EXD3: variants seen among roughly 807,000 people sequenced by gnomAD.
EXD3 encodes the protein exonuclease mut-7 homolog.
A neutral mutation model predicts 98.0 loss-of-function variants in EXD3; 92 were observed. The observed-to-expected ratio is 0.94, with a 90% CI of 0.79 to 1.12. The LOEUF is 1.12. EXD3 is among the 50% of genes most tolerant of loss of function. The pLI is 0.00. For missense variants in EXD3, 1,222 were observed against 1,191.6 expected, an observed-to-expected ratio of 1.03 and a Z score of -0.38; for synonymous variants, 569 against 526.0, an observed-to-expected ratio of 1.08 and a Z score of -1.12.
chr9:137,378,356 A>C (rs922932945), intron 3 of EXD3, among the ~76,000 whole-genome samples: 1 of 152,086 alleles, frequency 6.6e-6, no homozygotes, highest in African/African-American at 2.4e-5. Context: ...CTACAGGTGC[A>C]TGCCACCACG....
At chr9:137,419,087 G>A (rs1157477884) in intron 1 of EXD3, among the ~76,000 whole-genome samples, 3 of 151,970 alleles carry the variant, frequency 2.0e-5, no homozygotes, top group Admixed American at 6.6e-5. Context: ...GGAGATGTAC[G>A]AGGCTTATGT....
Position 137,395,193 on chromosome 9 carries a change from G to T in EXD3, c.55+110C>A. The T allele has an allele frequency of 9.8e-7, 1 of 1,016,440 alleles. No homozygotes were observed. The highest frequency in any genetic ancestry group is 1.5e-6 in the Non-Finnish European group (1 of 647,678). The allele number at this position is 1,016,440 out of a possible 1,614,324, so 63.0% of individuals were successfully genotyped here. On this transcript the variant is annotated intron_variant, in intron 2 of 21. Coordinates refer to ENST00000340951, the MANE Select transcript of EXD3 (RefSeq NM_017820.5). The surrounding 1 kb of genome is among the most constrained non-coding windows in gnomAD (Gnocchi z 6.5). ...AGAGGCCCGCAGCTAGGGGCCAGCAGCCTGGCCCTCGTCACTGAGTACACA... is the reference window on the plus strand; with the variant it reads ...AGAGGCCCGCAGCTAGGGGCCAGCATCCTGGCCCTCGTCACTGAGTACACA...
chr9:137,351,126 A>G lies in EXD3; in HGVS notation c.1406T>C (p.Leu469Pro). The G allele has an allele frequency of 6.3e-7, 1 of 1,580,814 alleles. No homozygotes were observed. The highest frequency in any genetic ancestry group is 8.6e-7 in the Non-Finnish European group (1 of 1,164,258). ...GGGGCAGGACGTGCCCAGTTTTTGC[A>G]GGTCCCCCACCATCCCGTAGCCTGT... is the stretch of plus-strand genomic sequence containing the variant. ...TKLGYGMVGD[L>P]QKLGTSCPAL... is the part of the protein sequence containing the mutation. Residue 469 changes from leucine (L) to proline (P), a missense_variant, in exon 14 of 22, where the codon CTG becomes CCG. Leu to Pro is a moderately conservative substitution (Grantham distance 98, BLOSUM62 -3). Coordinates refer to ENST00000340951, the MANE Select transcript of EXD3 (RefSeq NM_017820.5).
intron 1 of EXD3, among the ~76,000 whole-genome samples, chr9:137,411,618 G>T (rs917790492): frequency 6.6e-6 from 1 of 151,392 alleles, no homozygotes; most frequent in Admixed American, 6.6e-5. Context: ...GGCCAGCGGC[G>T]GCCGTCAGTC....
At chr9:137,326,585 G>A (rs572337661) in intron 17 of EXD3, among the ~76,000 whole-genome samples, 7 of 152,120 alleles carry the variant, frequency 4.6e-5, no homozygotes, top group South Asian at 2.1e-4. Flanking sequence ...AGATATACGC[G>A]TGGCCAATAA....
At position 137,324,246 on chromosome 9, in the gene EXD3, C is replaced by T. The variant is rs1385138514; in HGVS notation, c.1999-103G>A. ...CTAGCTCCCCGGATCGTGGCCCTGC[C>T]CCAGGCCCCTTTTGTCCTCCAGGGT... On this transcript the variant is annotated intron_variant, in intron 17 of 21. Coordinates refer to ENST00000340951, the MANE Select transcript of EXD3 (RefSeq NM_017820.5). The surrounding 1 kb of genome is among the most constrained non-coding windows in gnomAD (Gnocchi z 4.1). 3.6e-5 allele frequency: 36 copies of T among 1,009,962 alleles called. No homozygotes were observed. The highest frequency in any genetic ancestry group is 5.2e-5 in the Non-Finnish European group (35 of 674,878). The allele number at this position is 1,009,962 out of a possible 1,614,324, so 62.6% of individuals were successfully genotyped here.
chr9:137,374,923 T>C, intron 3 of EXD3: 1 of 916,100 alleles, frequency 1.1e-6, no homozygotes, highest in Middle Eastern at 5.6e-4. Flanking sequence ...TAGTGAGTTC[T>C]AACTCTAGTG....
chr9:137,332,653 CTA>C (rs1833139384), intron 17 of EXD3, among the ~76,000 whole-genome samples: 1 of 151,824 alleles, frequency 6.6e-6, no homozygotes, highest in East Asian at 1.9e-4. Flanking sequence ...ACCATCCTGG[CTA>C]AAACAGTGAA....
In EXD3 at chr9:137,367,919, A is replaced by G. The variant is rs201697343; in HGVS notation, c.516+17T>C. 1.1e-5 allele frequency: 18 copies of G among 1,611,298 alleles called. No homozygotes were observed. The Middle Eastern group carries it at 5.0e-4, about 44-fold the overall frequency. ...CCAAGTTTGAACCTAAACAATTTACATGAGAAAGACGTTCACCTTTTCAAC... is the reference window on the plus strand; with the variant it reads ...CCAAGTTTGAACCTAAACAATTTACGTGAGAAAGACGTTCACCTTTTCAAC... On this transcript the variant is annotated intron_variant, in intron 6 of 21. Transcript: ENST00000340951.
Position 137,395,443 on chromosome 9 carries a change from G to A in EXD3, c.-47-39C>T. The A allele has an allele frequency of 6.3e-7, 1 of 1,588,068 alleles. No individual in the cohort carries two copies. The highest frequency in any genetic ancestry group is 8.6e-7 in the Non-Finnish European group (1 of 1,161,010). ...CAATCAGGTGAATGCAGAGCCCACT[G>A]CAACAGGCAGCCATGCAGAGCCCAC... On this transcript the variant is annotated intron_variant, in intron 1 of 21. Coordinates refer to ENST00000340951, the MANE Select transcript of EXD3 (RefSeq NM_017820.5). This position sits in a 1 kb window ranked among gnomAD's most constrained non-coding sequence, Gnocchi z 6.5.
chr9:137,309,313 G>C (rs753884547), intron 20 of EXD3, among the ~76,000 whole-genome samples: 1 of 152,158 alleles, frequency 6.6e-6, no homozygotes, highest in Admixed American at 6.5e-5. Context: ...CCTGGGCCCA[G>C]CAGAGAGAAG....
At chr9:137,328,593 TACACGGGACTACAC>T (rs1832645719) in intron 17 of EXD3, among the ~76,000 whole-genome samples, 3 of 52,002 alleles carry the variant, frequency 5.8e-5, no homozygotes, top group African/African-American at 1.1e-4. Context: ...TACACGGGAC[TACACGGGACTACAC>T]GGGGCTACAC....
intron 19 of EXD3, among the ~76,000 whole-genome samples, chr9:137,314,705 A>G (rs1831549468): frequency 2.0e-5 from 3 of 152,072 alleles, no homozygotes; most frequent in East Asian, 3.9e-4. Context: ...GGCCAGGACA[A>G]TGTCTCCACA....
rs112238522 is a variant in EXD3, at chr9:137,343,878, G to A, written c.1998+4193C>T. ...GCTGGGATTACAGGTATGAGCCACCGCGCCCGGCCTTTTTTTTTTTTTTTT... is the reference window on the plus strand; with the variant it reads ...GCTGGGATTACAGGTATGAGCCACCACGCCCGGCCTTTTTTTTTTTTTTTT... On this transcript the variant is annotated intron_variant, in intron 17 of 21. Transcript: ENST00000340951. 2.6e-3 allele frequency among the ~76,000 whole-genome samples: 332 copies of A among 129,442 alleles called. 2 individuals carry two copies. The highest frequency in any genetic ancestry group is 9.2e-3 in the African/African-American group (314 of 33,988). The allele number at this position is 129,442 out of a possible 152,430, so 84.9% of individuals were successfully genotyped here.
intron 19 of EXD3, among the ~76,000 whole-genome samples, chr9:137,319,667 C>G (rs539206372): frequency 6.6e-6 from 1 of 152,206 alleles, no homozygotes; most frequent in African/African-American, 2.4e-5. Context: ...CGGGTGCGCA[C>G]ATGGGACCCT....
At position 137,403,089 on chromosome 9, in the gene EXD3, C is replaced by T. The variant is rs981704052; in HGVS notation, c.-47-7685G>A. 6.6e-6 allele frequency among the ~76,000 whole-genome samples: 1 copy of T among 152,112 alleles called. No individual in the cohort carries two copies. Among genetic ancestry groups the T allele is most frequent in the Non-Finnish European group, 1.5e-5 (1 of 68,036 alleles). On this transcript the variant is annotated intron_variant, in intron 1 of 21. Coordinates refer to ENST00000340951, the MANE Select transcript of EXD3 (RefSeq NM_017820.5). The surrounding 1 kb of genome is among the most constrained non-coding windows in gnomAD (Gnocchi z 6.1). ...GAGGACACAGCCAAAGCATATCACC[C>T]GCCACGGGAGACCCTGTGGCTCGGC...
intron 10 of EXD3, chr9:137,352,988 T>A: frequency 7.2e-7 from 1 of 1,395,126 alleles, no homozygotes; most frequent in Non-Finnish European, 9.3e-7. Context: ...GAGATAGAGG[T>A]GCTGAGGCAA....
intron 3 of EXD3, 78 bp downstream of exon 3, chr9:137,383,235 C>T: frequency 8.0e-7 from 1 of 1,243,314 alleles, no homozygotes; most frequent in South Asian, 1.3e-5. Flanking sequence ...AGGGAGGCCT[C>T]CTGTTAGGCC....
intron 2 of EXD3, among the ~76,000 whole-genome samples, chr9:137,384,890 G>A (rs932278186): frequency 6.6e-6 from 1 of 151,898 alleles, no homozygotes; most frequent in Admixed American, 6.5e-5. Flanking sequence ...TCAGGAGTTC[G>A]AGACCAGCCT....
Sources: allele counts gnomAD v4.1 joint callset (sites outside exome capture counted in the v4.1 genomes callset), GRCh38; gene constraint gnomAD v4.1.1; non-coding constraint Gnocchi (gnomAD v3.1); transcripts MANE v1.5; gene names NCBI Gene and HGNC (gene_info 2026-07-23, HGNC 2026-07-21).